DTNB: variants seen among roughly 807,000 people sequenced by gnomAD.
DTNB encodes DTN-B.
Under a neutral mutation model 90.7 loss-of-function variants are expected in DTNB, and 63 were observed. The ratio of observed to expected loss-of-function variants is 0.69; its 90% confidence interval spans 0.57 to 0.86. DTNB has a LOEUF of 0.86. Ranked by LOEUF, DTNB falls within the 40% of genes least tolerant of loss-of-function variation. DTNB has a pLI of 0.00. For missense variants in DTNB, 744 were observed against 807.1 expected, an observed-to-expected ratio of 0.92 and a Z score of 0.95; for synonymous variants, 277 against 286.7, an observed-to-expected ratio of 0.97 and a Z score of 0.34.
chr2:25,584,153 A>G lies in DTNB; in HGVS notation c.604-3327T>C, dbSNP rs140850800. ...TCATGGAGTTTCACGGAGCTTTGGAATATTTCATAATAATACTAAGACATT... is the reference window on the plus strand; with the variant it reads ...TCATGGAGTTTCACGGAGCTTTGGAGTATTTCATAATAATACTAAGACATT... On this transcript the variant is annotated intron_variant, in intron 6 of 20. Transcript: ENST00000406818. Among the ~76,000 whole-genome samples the G allele has an allele frequency of 7.2e-4, 110 of 152,338 alleles. 3 individuals carry two copies. In the East Asian group the frequency reaches 0.021, roughly 29 times the overall value.
intron 8 of DTNB, among the ~76,000 whole-genome samples, chr2:25,546,194 C>T (rs1340171954): frequency 6.6e-6 from 1 of 152,146 alleles, no homozygotes; most frequent in African/African-American, 2.4e-5. Flanking sequence ...AGTCTGCAAC[C>T]GTCCTTTGCA....
chr2:25,598,945 T>C (rs971600217), intron 5 of DTNB: 3 of 152,248 alleles, frequency 2.0e-5, no homozygotes, highest in Non-Finnish European at 2.9e-5. Flanking sequence ...CAATCTGGAT[T>C]TAGCTTAAAA....
At chr2:25,397,596 T>A (rs200244582) in intron 16 of DTNB, among the ~76,000 whole-genome samples, 1 of 151,930 alleles carries the variant, frequency 6.6e-6, no homozygotes, top group Middle Eastern at 3.4e-3. Context: ...AGAACAAAAA[T>A]GGGCCGGGCC....
intron 14 of DTNB, among the ~76,000 whole-genome samples, chr2:25,431,497 T>C (rs1254322333): frequency 2.6e-5 from 4 of 152,240 alleles, no homozygotes. Context: ...GAACTGCTTT[T>C]GAGGTTAAAT....
chr2:25,539,476 TA>T (rs1481394961), intron 8 of DTNB, among the ~76,000 whole-genome samples: 5 of 152,182 alleles, frequency 3.3e-5, no homozygotes, highest in African/African-American at 1.2e-4. Flanking sequence ...CCCTGGTTAT[TA>T]AAAAGATTGA....
intron 1 of DTNB, among the ~76,000 whole-genome samples, chr2:25,671,296 T>C (rs941595471): frequency 1.3e-5 from 2 of 152,224 alleles, no homozygotes; most frequent in African/African-American, 4.8e-5. Context: ...TACACATTTT[T>C]CCAAAACTCA....
At chr2:25,422,015 A>C (rs941143919) in intron 15 of DTNB, among the ~76,000 whole-genome samples, 1 of 152,200 alleles carries the variant, frequency 6.6e-6, no homozygotes, top group Non-Finnish European at 1.5e-5. Flanking sequence ...TAAACTCACA[A>C]AACTTATTCA....
At chr2:25,548,412 GTT>G (rs61377184) in intron 8 of DTNB, among the ~76,000 whole-genome samples, 1 of 145,680 alleles carries the variant, frequency 6.9e-6, no homozygotes, top group African/African-American at 2.5e-5. Context: ...GTGTGTTAAG[GTT>G]TTTTTTTTTT....
At chr2:25,476,852 C>A (rs191216465) in intron 10 of DTNB, among the ~76,000 whole-genome samples, 1 of 152,298 alleles carries the variant, frequency 6.6e-6, no homozygotes, top group African/African-American at 2.4e-5. Context: ...GTTGACAAAG[C>A]AGTGGCAGGG....
chr2:25,502,105 G>A (rs762805849), intron 9 of DTNB, among the ~76,000 whole-genome samples: 4 of 152,024 alleles, frequency 2.6e-5, no homozygotes, highest in Non-Finnish European at 5.9e-5. Context: ...GATTGCTTAA[G>A]CCCAGGGAGG....
At chr2:25,612,035 GTTCCA>G (rs1455740528) in intron 4 of DTNB, among the ~76,000 whole-genome samples, 1 of 152,096 alleles carries the variant, frequency 6.6e-6, no homozygotes, top group Non-Finnish European at 1.5e-5. Flanking sequence ...GTAGAAAACT[GTTCCA>G]TTCTTTTCAC....
chr2:25,553,726 G>A (rs990467095), intron 8 of DTNB, among the ~76,000 whole-genome samples: 3 of 133,724 alleles, frequency 2.2e-5, no homozygotes, highest in South Asian at 2.5e-4. Flanking sequence ...GACAACAAGA[G>A]CGAAAACTCC....
At chr2:25,537,934 T>C (rs2080205542) in intron 8 of DTNB, among the ~76,000 whole-genome samples, 1 of 152,180 alleles carries the variant, frequency 6.6e-6, no homozygotes, top group South Asian at 2.1e-4. Flanking sequence ...TTCTCCCAAC[T>C]TGCACTCTAA....
At chr2:25,470,043 G>C (rs2062507293) in intron 10 of DTNB, among the ~76,000 whole-genome samples, 1 of 152,200 alleles carries the variant, frequency 6.6e-6, no homozygotes, top group African/African-American at 2.4e-5. Flanking sequence ...AGCTCTATGA[G>C]AAATGCTGAG....
At chr2:25,591,375 A>ACG (rs1367083484) in intron 6 of DTNB, among the ~76,000 whole-genome samples, 1 of 152,182 alleles carries the variant, frequency 6.6e-6, no homozygotes, top group Non-Finnish European at 1.5e-5. Context: ...AGCCCCAGCC[A>ACG]CGCCTCCCCC....
At chr2:25,573,316 C>G (rs2060164523) in intron 8 of DTNB, among the ~76,000 whole-genome samples, 1 of 152,316 alleles carries the variant, frequency 6.6e-6, no homozygotes, top group South Asian at 2.1e-4. Context: ...ATCAGAATCT[C>G]TGCAGGCAGA....
intron 8 of DTNB, among the ~76,000 whole-genome samples, chr2:25,550,935 C>T (rs1362891040): frequency 6.6e-6 from 1 of 152,166 alleles, no homozygotes; most frequent in Non-Finnish European, 1.5e-5. Context: ...TAGGCGTGAG[C>T]CACAGCACCC....
intron 12 of DTNB, among the ~76,000 whole-genome samples, chr2:25,440,070 G>T (rs1032984032): frequency 6.6e-6 from 1 of 152,122 alleles, no homozygotes; most frequent in African/African-American, 2.4e-5. Context: ...GCAACTCGGG[G>T]GTTGTAGCAT....
At chr2:25,503,298 G>A (rs1358391888) in intron 9 of DTNB, among the ~76,000 whole-genome samples, 1 of 151,576 alleles carries the variant, frequency 6.6e-6, no homozygotes, top group East Asian at 1.9e-4. Context: ...AGACCACACT[G>A]GACAACATAG....
Sources: allele counts gnomAD v4.1 joint callset (sites outside exome capture counted in the v4.1 genomes callset), GRCh38; gene constraint gnomAD v4.1.1; transcripts MANE v1.5; gene names NCBI Gene and HGNC (gene_info 2026-07-23, HGNC 2026-07-21).